The following LZTS1 variants were observed in gnomAD, a reference collection of about 807,000 sequenced individuals.
LZTS1 encodes the protein leucine zipper putative tumor suppressor 1.
A neutral mutation model predicts 45.8 loss-of-function variants in LZTS1; 31 were observed. The ratio of observed to expected loss-of-function variants is 0.68; its 90% confidence interval spans 0.51 to 0.91. The LOEUF (loss-of-function observed/expected upper bound fraction) is 0.91, where lower values mean the gene tolerates loss of function less well. Ranked by LOEUF, LZTS1 falls within the 40% of genes least tolerant of loss-of-function variation. The pLI is 0.00. For synonymous variants in LZTS1, 359 were observed against 357.3 expected (o/e 1.00, Z -0.05); for missense variants, 821 against 788.9 (o/e 1.04, Z -0.49).
At chr8:20,258,240 G>C (rs1002139759) in intron 1 of LZTS1, among the ~76,000 whole-genome samples, 1 of 152,170 alleles carries the variant, frequency 6.6e-6, no homozygotes, top group African/African-American at 2.4e-5. Context: ...GATGTGGAAG[G>C]AGCCTCTGTT....
At position 20,295,489 on chromosome 8, in the gene LZTS1, C is replaced by T. The variant is rs79616437; in HGVS notation, c.-135+8251G>A. 3.0e-3 allele frequency among the ~76,000 whole-genome samples: 460 copies of T among 152,296 alleles called. 3 individuals are homozygous for T. Among genetic ancestry groups the T allele is most frequent in the African/African-American group, 0.011 (441 of 41,548 alleles). ...TCTGAAGTGGCTGGGTAGAAAGAAG[C>T]ACTGTGGGCCTTAGCGCCATCCATC... On this transcript the variant is annotated intron_variant, in intron 1 of 3. Transcript: ENST00000381569.
chr8:20,289,087 C>A (rs1800851115), intron 1 of LZTS1: 2 of 135,078 alleles, frequency 1.5e-5, no homozygotes, highest in African/African-American at 2.7e-5. Flanking sequence ...TCCAACTTCA[C>A]AAGGCCGTGG....
rs1158754364 is a variant in LZTS1, at chr8:20,247,348, G to C, written c.*2374C>G. Reference sequence around the variant, plus strand: ...ACTCTGACTGCTCTTTCCTGGAGTTGGGGGGGGGTCTCCAGCCTGGGGAGG... The same window carrying C: ...ACTCTGACTGCTCTTTCCTGGAGTTCGGGGGGGGTCTCCAGCCTGGGGAGG... On this transcript the variant is annotated 3_prime_UTR_variant, in exon 4 of 4. Coordinates refer to ENST00000381569, the MANE Select transcript of LZTS1 (RefSeq NM_021020.5). 1.9e-5 allele frequency: 1 copy of C among 52,742 alleles called. No individual in the cohort carries two copies. The highest frequency in any genetic ancestry group is 4.3e-5 in the Non-Finnish European group (1 of 23,028). 3.3% of individuals were successfully genotyped at this position (52,742 alleles called of 1,614,324 possible).
At chr8:20,297,957 A>G (rs532827954) in intron 1 of LZTS1, among the ~76,000 whole-genome samples, 13 of 152,314 alleles carry the variant, frequency 8.5e-5, no homozygotes, top group African/African-American at 3.1e-4. Context: ...AACCCCAATG[A>G]CTTGGTAGTT....
At chr8:20,274,014 G>A (rs116349308) in intron 1 of LZTS1, among the ~76,000 whole-genome samples, 302 of 152,018 alleles carry the variant, frequency 2.0e-3, no homozygotes, top group African/African-American at 7.0e-3. Flanking sequence ...GTTTTCCCAC[G>A]CTGCTCCCTA....
rs1799775080 is a variant in LZTS1, at chr8:20,247,771, C to G, written c.*1951G>C. 1 of 152,526 alleles carries G rather than the reference C, an allele frequency of 6.6e-6. No homozygotes were observed. Among genetic ancestry groups the G allele is most frequent in the South Asian group, 2.1e-4 (1 of 4,840 alleles). The allele number at this position is 152,526 out of a possible 1,614,324, so 9.4% of individuals were successfully genotyped here. A position where few individuals can be genotyped will look rare whatever the true frequency, so the allele number is the denominator to read the frequency against. ...GGGCGGGGGGCAAGGAGAGAAGCAT[C>G]TCCCCACCCCTACCTCGGGGTCTCT... On this transcript the variant is annotated 3_prime_UTR_variant, in exon 4 of 4. Coordinates refer to ENST00000381569, the MANE Select transcript of LZTS1 (RefSeq NM_021020.5).
At chr8:20,258,730 A>G (rs1055078220) in intron 1 of LZTS1, among the ~76,000 whole-genome samples, 6 of 152,230 alleles carry the variant, frequency 3.9e-5, no homozygotes, top group Admixed American at 3.9e-4. Context: ...TGGGCACTCA[A>G]TAAATGCTAG....
intron 1 of LZTS1, among the ~76,000 whole-genome samples, chr8:20,300,493 C>T (rs1267102723): frequency 5.3e-5 from 8 of 151,980 alleles, no homozygotes; most frequent in Admixed American, 2.0e-4. Context: ...CCACGACGCC[C>T]GGCTAATTTT....
At chr8:20,257,561 C>T (rs1364687937) in intron 1 of LZTS1, among the ~76,000 whole-genome samples, 1 of 152,026 alleles carries the variant, frequency 6.6e-6, no homozygotes, top group Non-Finnish European at 1.5e-5. Context: ...ACCCAGCCGA[C>T]TTGGTGTGCA....
Position 20,300,307 on chromosome 8 carries a change from T to C in LZTS1, c.-135+3433A>G, listed in dbSNP as rs533661218. Among the ~76,000 whole-genome samples, 4 of 152,274 alleles carry C rather than the reference T, an allele frequency of 2.6e-5. No individual in the cohort carries two copies. In the East Asian group the frequency reaches 5.8e-4, roughly 22 times the overall value. The stretch of plus-strand genomic sequence containing the variant: ...CAAGCATTTACTAAGGGCATACTCA[T>C]AGTATCTACTGAAAGCCAACACTGT... On this transcript the variant is annotated intron_variant, in intron 1 of 3. Transcript: ENST00000381569.
chr8:20,255,082 G>T lies in LZTS1; in HGVS notation c.100C>A (p.Leu34Ile). ...KLRKSSHLKK[L>I]NRYSDGLLRF... ...AGCAGCCCGTCGGAATACCGGTTGA[G>T]CTTCTTGAGGTGGGAGGACTTGCGC... is the stretch of plus-strand genomic sequence containing the variant. The change falls in exon 2 of 4, where the codon CTC (leucine) becomes ATC (isoleucine). Residue 34 changes from leucine (L) to isoleucine (I), a missense_variant. Physicochemically the swap from Leu to Ile is conservative, Grantham distance 5. Transcript: ENST00000381569. 1 of 1,614,216 alleles carries T rather than the reference G, an allele frequency of 6.2e-7. No individual in the cohort carries two copies. Among genetic ancestry groups the T allele is most frequent in the Non-Finnish European group, 8.5e-7 (1 of 1,180,044 alleles).
At chr8:20,286,872 C>T (rs908879375) in intron 1 of LZTS1, among the ~76,000 whole-genome samples, 1 of 152,114 alleles carries the variant, frequency 6.6e-6, no homozygotes, top group Non-Finnish European at 1.5e-5. Context: ...CTGTGCAATT[C>T]CATTCAGTAA....
chr8:20,272,172 C>T (rs978824985), intron 1 of LZTS1, among the ~76,000 whole-genome samples: 10 of 152,164 alleles, frequency 6.6e-5, no homozygotes, highest in East Asian at 5.8e-4. Context: ...ATTCAAGGTC[C>T]GATGCAATCT....
intron 1 of LZTS1, among the ~76,000 whole-genome samples, chr8:20,287,001 G>A (rs143007346): frequency 2.0e-5 from 3 of 152,320 alleles, no homozygotes; most frequent in African/African-American, 7.2e-5. Flanking sequence ...AGGCTTCTAT[G>A]TATATGAAAA....
At position 20,255,310 on chromosome 8, in the gene LZTS1, G is replaced by T; in HGVS notation, c.-129C>A. On this transcript the variant is annotated 5_prime_UTR_variant, in exon 2 of 4. Coordinates refer to ENST00000381569, the MANE Select transcript of LZTS1 (RefSeq NM_021020.5). ...AGCCCTCACAGAGCCTGCGAGAGCC[G>T]TAGACCTGGAAGAAGACACAAGACA... 3 of 1,442,326 alleles carry T rather than the reference G, an allele frequency of 2.1e-6. No homozygotes were observed. The highest frequency in any genetic ancestry group is 2.7e-6 in the Non-Finnish European group (3 of 1,103,718). 89.3% of individuals were successfully genotyped at this position (1,442,326 alleles called of 1,614,324 possible).
At chr8:20,251,115 AT>A (rs1186284792) in intron 3 of LZTS1, among the ~76,000 whole-genome samples, 4 of 19,632 alleles carry the variant, frequency 2.0e-4, no homozygotes, top group African/African-American at 1.1e-3. Flanking sequence ...ATATATATAT[AT>A]ATATATATAT....
chr8:20,253,345 G>T lies in LZTS1; in HGVS notation c.586C>A (p.Leu196Met), dbSNP rs773938725. The T allele has an allele frequency of 6.2e-7, 1 of 1,613,616 alleles. No homozygotes were observed. Among genetic ancestry groups the T allele is most frequent in the East Asian group, 2.2e-5 (1 of 44,876 alleles). Residue 196 changes from leucine to methionine, a missense_variant, in exon 3 of 4, where the codon CTG (leucine) becomes ATG (methionine). By Grantham distance (15) the Leu-to-Met change is conservative. Transcript: ENST00000381569. ...CTTGTGGGTCCCACGGGTGTGACCA[G>T]CGGGTCCAGCTGGTAGCTGCTGCTG... ...STSSSYQLDP[L>M]VTPVGPTSRF...
At chr8:20,287,987 G>T (rs1423418718) in intron 1 of LZTS1, among the ~76,000 whole-genome samples, 2 of 151,806 alleles carry the variant, frequency 1.3e-5, no homozygotes, top group Non-Finnish European at 2.9e-5. Context: ...CAAGCAGAGG[G>T]TGGGGTCCTC....
chr8:20,249,954 T>C lies in LZTS1; in HGVS notation c.1559A>G (p.Gln520Arg), dbSNP rs541571892. The C allele has an allele frequency of 3.1e-6, 5 of 1,614,128 alleles. No individual in the cohort carries two copies. The highest frequency in any genetic ancestry group is 2.2e-5 in the East Asian group (1 of 44,860). ...ELREERQGHD[Q>R]MSSGFQHERL... ...CTCATGCTGGAAGCCCGAGGACATC[T>C]GGTCATGGCCTTGCCGCTCCTCCCG... is the stretch of plus-strand genomic sequence containing the variant. Residue 520 changes from glutamine (Q) to arginine (R), a missense_variant, in exon 4 of 4, where the codon CAG becomes CGG. Transcript: ENST00000381569.
Sources: gnomAD v4.1 joint callset for allele counts (sites outside exome capture counted in the v4.1 genomes callset) on GRCh38, gnomAD v4.1.1 for gene constraint, MANE v1.5 for transcripts, NCBI Gene and HGNC (gene_info 2026-07-23, HGNC 2026-07-21) for gene names.